SORCS3: variants seen among roughly 807,000 people sequenced by gnomAD.
SORCS3 encodes sortilin related VPS10 domain containing receptor 3.
SORCS3 carries 57 observed loss-of-function variants against 146.3 expected under a neutral mutation model. That is an observed-to-expected ratio of 0.39 (90% CI 0.31 to 0.49). SORCS3 has a LOEUF of 0.49. Ranked by LOEUF, SORCS3 falls within the 20% of genes least tolerant of loss-of-function variation. The pLI, the probability that SORCS3 is intolerant of heterozygous loss-of-function variation, is 0.92. For synonymous variants in SORCS3, 653 were observed against 618.5 expected (o/e 1.06, Z -0.83); for missense variants, 1,341 against 1,575.5 (o/e 0.85, Z 2.52).
intron 1 of SORCS3, among the ~76,000 whole-genome samples, chr10:104,838,186 G>A (rs968441394): frequency 3.0e-4 from 46 of 152,116 alleles, no homozygotes; most frequent in African/African-American, 1.0e-3. Flanking sequence ...AGCTGGAGGG[G>A]ATTCAAGTCA....
intron 1 of SORCS3, among the ~76,000 whole-genome samples, chr10:104,719,072 A>G (rs1272261550): frequency 2.0e-5 from 3 of 152,156 alleles, no homozygotes; most frequent in African/African-American, 7.2e-5. Flanking sequence ...TTGAATGTGT[A>G]ATTACTATAA....
chr10:105,216,876 CA>C, intron 18 of SORCS3, 59 bp from the exon 19 acceptor site: 6 of 1,544,166 alleles, frequency 3.9e-6, no homozygotes, highest in Non-Finnish European at 5.4e-6. Context: ...CAGGAGGAAG[CA>C]TCAGATAGGA....
intron 1 of SORCS3, among the ~76,000 whole-genome samples, chr10:104,825,735 C>T (rs1215905372): frequency 6.6e-6 from 1 of 152,054 alleles, no homozygotes; most frequent in Non-Finnish European, 1.5e-5. Context: ...TTAGCCCCAC[C>T]CCTGTTGCTG....
chr10:104,678,128 TG>T (rs1467327450), intron 1 of SORCS3, among the ~76,000 whole-genome samples: 1 of 147,892 alleles, frequency 6.8e-6, no homozygotes, highest in Non-Finnish European at 1.5e-5. Flanking sequence ...ATTTCTTACC[TG>T]GGCATAGACC....
chr10:105,163,854 A>T (rs1444503033), intron 11 of SORCS3, among the ~76,000 whole-genome samples: 1 of 150,260 alleles, frequency 6.7e-6, no homozygotes, highest in Non-Finnish European at 1.5e-5. Context: ...CAAGTTTCAA[A>T]CATACACACA....
At chr10:104,813,239 C>T (rs2017759178) in intron 1 of SORCS3, among the ~76,000 whole-genome samples, 1 of 152,216 alleles carries the variant, frequency 6.6e-6, no homozygotes, top group South Asian at 2.1e-4. Context: ...AGTGACCAGA[C>T]AGTTCCCACG....
At chr10:105,201,389 T>A (rs2119617260) in intron 16 of SORCS3, 136 bp downstream of exon 16, 3 of 1,074,928 alleles carry the variant, frequency 2.8e-6, no homozygotes, top group Non-Finnish European at 3.9e-6. Context: ...TGTGGGCCCA[T>A]CCATCCCAGT....
intron 19 of SORCS3, among the ~76,000 whole-genome samples, chr10:105,218,007 G>A (rs1462603973): frequency 6.6e-6 from 1 of 152,170 alleles, no homozygotes; most frequent in African/African-American, 2.4e-5. Context: ...TTCTGAAAGA[G>A]TCTAAGTGAA....
intron 23 of SORCS3, among the ~76,000 whole-genome samples, chr10:105,254,427 G>A (rs2056918582): frequency 6.6e-6 from 1 of 152,190 alleles, no homozygotes; most frequent in Non-Finnish European, 1.5e-5. Flanking sequence ...ATTCACCAGT[G>A]ACTGTAGGCA....
intron 1 of SORCS3, among the ~76,000 whole-genome samples, chr10:104,642,855 G>C (rs1463094189): frequency 6.6e-6 from 1 of 152,206 alleles, no homozygotes; most frequent in Non-Finnish European, 1.5e-5. Flanking sequence ...AGGTGGCGTC[G>C]TTGAGCCCGG....
At chr10:104,809,514 A>G (rs780815690) in intron 1 of SORCS3, among the ~76,000 whole-genome samples, 18 of 152,182 alleles carry the variant, frequency 1.2e-4, no homozygotes, top group Non-Finnish European at 2.4e-4. Flanking sequence ...TTTCTGTCAT[A>G]TTGTTTTGGG....
intron 5 of SORCS3, among the ~76,000 whole-genome samples, chr10:105,061,295 CTTT>C (rs34217607): frequency 7.4e-4 from 88 of 118,416 alleles, no homozygotes; most frequent in African/African-American, 1.6e-3. Context: ...AGTGGTGTTC[CTTT>C]TTTTTTTTTT....
chr10:105,081,637 T>C (rs1422610546), intron 5 of SORCS3, among the ~76,000 whole-genome samples: 3 of 152,220 alleles, frequency 2.0e-5, no homozygotes, highest in African/African-American at 7.2e-5. Context: ...TGAAGCCACT[T>C]GACCTTTTCT....
intron 6 of SORCS3, among the ~76,000 whole-genome samples, chr10:105,091,959 A>G (rs765805902): frequency 6.6e-6 from 1 of 152,168 alleles, no homozygotes; most frequent in African/African-American, 2.4e-5. Context: ...TGGTCATGGT[A>G]TTTCAGAGTT....
intron 10 of SORCS3, 95 bp from the exon 11 acceptor site, chr10:105,158,797 C>A: frequency 1.1e-6 from 1 of 911,216 alleles, no homozygotes; most frequent in Non-Finnish European, 1.8e-6. Context: ...CTTGCTATTT[C>A]TGGGAGCTGA....
chr10:104,691,117 G>A (rs1363601651), intron 1 of SORCS3, among the ~76,000 whole-genome samples: 1 of 152,192 alleles, frequency 6.6e-6, no homozygotes, highest in Non-Finnish European at 1.5e-5. Flanking sequence ...AAAAGATGGG[G>A]AAGGAAGGAT....
At chr10:105,061,862 G>A (rs2055490155) in intron 5 of SORCS3, among the ~76,000 whole-genome samples, 1 of 152,080 alleles carries the variant, frequency 6.6e-6, no homozygotes, top group Non-Finnish European at 1.5e-5. Context: ...TATCTCCACA[G>A]TGACTGGCCA....
intron 23 of SORCS3, 145 bp from the exon 24 acceptor site, chr10:105,255,557 C>A: frequency 3.3e-6 from 2 of 611,280 alleles, no homozygotes; most frequent in Non-Finnish European, 2.9e-6. Context: ...CTGTGAGAAC[C>A]AAATCGATAA....
At chr10:105,121,877 C>T (rs1189646026) in intron 7 of SORCS3, among the ~76,000 whole-genome samples, 1 of 152,174 alleles carries the variant, frequency 6.6e-6, no homozygotes, top group African/African-American at 2.4e-5. Flanking sequence ...CTGCTCTTCT[C>T]CAGCCCTTTC....
Sources: gnomAD v4.1 joint callset for allele counts (sites outside exome capture counted in the v4.1 genomes callset) on GRCh38, gnomAD v4.1.1 for gene constraint, MANE v1.5 for transcripts, NCBI Gene and HGNC (gene_info 2026-07-23, HGNC 2026-07-21) for gene names.